Variants in TNPO3 observed in about 807,000 individuals in gnomAD.
The protein encoded by TNPO3 is transportin 3.
Under a neutral mutation model 122.8 loss-of-function variants are expected in TNPO3, and 65 were observed. The ratio of observed to expected loss-of-function variants is 0.53; its 90% confidence interval spans 0.43 to 0.65. The LOEUF (loss-of-function observed/expected upper bound fraction) is 0.65. Among genes scored for constraint, TNPO3 ranks in the 30% least tolerant of loss-of-function variants. The pLI, the probability that TNPO3 is intolerant of heterozygous loss-of-function variation, is 0.00. For missense variants in TNPO3, 850 were observed against 1,136.7 expected, an observed-to-expected ratio of 0.75 and a Z score of 3.63; for synonymous variants, 372 against 411.2, an observed-to-expected ratio of 0.90 and a Z score of 1.15.
intron 1 of TNPO3, among the ~76,000 whole-genome samples, chr7:129,023,240 T>C (rs906608886): frequency 2.6e-5 from 4 of 152,154 alleles, no homozygotes; most frequent in Non-Finnish European, 5.9e-5. Flanking sequence ...AAAAACTTTA[T>C]AGTGCTGTAG....
chr7:129,001,216 A>C lies in TNPO3; in HGVS notation c.715T>G (p.Ser239Ala). 1 of 1,612,234 alleles carries C rather than the reference A, an allele frequency of 6.2e-7. No homozygotes were observed. Among genetic ancestry groups the C allele is most frequent in the Non-Finnish European group, 8.5e-7 (1 of 1,178,506 alleles). The change falls in exon 6 of 23, where the codon TCT becomes GCT. Residue 239 changes from serine to alanine, a missense_variant. By Grantham distance (99) the Ser-to-Ala change is moderately conservative (BLOSUM62 1). Transcript: ENST00000265388. Reference protein sequence around the residue: ...FEVLQQDKTSSNLHEAASDCV... With the variant: ...FEVLQQDKTSANLHEAASDCV... ...TCCGAAGCAGCTTCATGTAGGTTAG[A>C]CGAGGTCTTATCCTGTTGCTGGGGA...
chr7:128,995,345 T>C (rs1427896791), intron 8 of TNPO3, among the ~76,000 whole-genome samples: 1 of 152,190 alleles, frequency 6.6e-6, no homozygotes, highest in Non-Finnish European at 1.5e-5. Flanking sequence ...AATTATAAGA[T>C]GGTTAAAGGC....
At chr7:129,028,192 T>C (rs913377566) in intron 1 of TNPO3, among the ~76,000 whole-genome samples, 1 of 152,212 alleles carries the variant, frequency 6.6e-6, no homozygotes. Context: ...CACTAAGTTA[T>C]ACACTTGTAT....
At chr7:128,987,074 T>C (rs1462188451) in intron 11 of TNPO3, among the ~76,000 whole-genome samples, 154 bp from the exon 12 acceptor site, 1 of 152,130 alleles carries the variant, frequency 6.6e-6, no homozygotes, top group Admixed American at 6.6e-5. Flanking sequence ...ATAAAACACA[T>C]AAAAATAGAG....
At chr7:128,973,735 CAAAAAAAAAAAAAAAAA>C (rs71162544) in intron 18 of TNPO3, among the ~76,000 whole-genome samples, 3 of 5,274 alleles carry the variant, frequency 5.7e-4, no homozygotes, top group East Asian at 7.5e-3. Context: ...GACTCCGTCT[CAAAAAAAAAAAAAAAAA>C]AAAAAAAAAA....
chr7:128,990,528 G>A (rs2150349752), intron 10 of TNPO3, among the ~76,000 whole-genome samples: 1 of 152,300 alleles, frequency 6.6e-6, no homozygotes, highest in Admixed American at 6.5e-5. Context: ...ACAGATGAAT[G>A]AATAATTCTC....
intron 4 of TNPO3, among the ~76,000 whole-genome samples, chr7:129,013,768 A>G (rs181311081): frequency 6.6e-6 from 1 of 152,358 alleles, no homozygotes; most frequent in Non-Finnish European, 1.5e-5. Context: ...TAGGTGCACA[A>G]TGAAATATTC....
At chr7:128,962,027 T>C (rs1797504457) in intron 21 of TNPO3, among the ~76,000 whole-genome samples, 1 of 152,176 alleles carries the variant, frequency 6.6e-6, no homozygotes. Context: ...GAATGTTATT[T>C]TAGACTGAAA....
intron 4 of TNPO3, among the ~76,000 whole-genome samples, chr7:129,008,933 A>C (rs983893766): frequency 1.3e-5 from 2 of 152,222 alleles, no homozygotes; most frequent in African/African-American, 4.8e-5. Flanking sequence ...TCTGAAAAAA[A>C]CCTGTTTCTA....
intron 16 of TNPO3, among the ~76,000 whole-genome samples, chr7:128,977,638 C>G (rs1455696764): frequency 6.7e-6 from 1 of 149,878 alleles, no homozygotes; most frequent in African/African-American, 2.5e-5. Flanking sequence ...ACTCTGTCAC[C>G]CAGGCTGGAG....
chr7:129,044,506 C>A (rs1406572895), intron 1 of TNPO3, among the ~76,000 whole-genome samples: 3 of 152,220 alleles, frequency 2.0e-5, no homozygotes, highest in Non-Finnish European at 2.9e-5. Context: ...TTTGGATACT[C>A]TACCAGAAGA....
At chr7:129,046,195 C>CAAAA (rs5887409) in intron 1 of TNPO3, among the ~76,000 whole-genome samples, 118 of 79,164 alleles carry the variant, frequency 1.5e-3, no homozygotes, top group African/African-American at 2.6e-3. Flanking sequence ...GACTCCGTCT[C>CAAAA]AAAAAAAAAA....
chr7:129,020,568 T>C (rs1429292434), intron 1 of TNPO3, among the ~76,000 whole-genome samples: 1 of 152,068 alleles, frequency 6.6e-6, no homozygotes, highest in Non-Finnish European at 1.5e-5. Flanking sequence ...AGCCCCCTAG[T>C]AGTTGGAACT....
intron 1 of TNPO3, chr7:129,030,378 T>C: frequency 5.4e-6 from 1 of 186,010 alleles, no homozygotes; most frequent in South Asian, 1.0e-4. Context: ...ACATGTGATG[T>C]CAGGACCAGC....
chr7:129,018,690 C>G (rs1442092534), intron 1 of TNPO3, among the ~76,000 whole-genome samples: 1 of 152,166 alleles, frequency 6.6e-6, no homozygotes, highest in Non-Finnish European at 1.5e-5. Context: ...ACTATGTTGG[C>G]TCAAGTAAAT....
chr7:129,028,128 G>A (rs1227088061), intron 1 of TNPO3, among the ~76,000 whole-genome samples: 1 of 152,156 alleles, frequency 6.6e-6, no homozygotes, highest in Non-Finnish European at 1.5e-5. Flanking sequence ...TCAGACAAAT[G>A]AAGATGTTTC....
At chr7:128,962,513 C>T (rs1797566079) in intron 21 of TNPO3, among the ~76,000 whole-genome samples, 1 of 152,134 alleles carries the variant, frequency 6.6e-6, no homozygotes, top group Non-Finnish European at 1.5e-5. Context: ...GCAGGTGTTA[C>T]GGACCTTAAA....
At chr7:129,008,937 G>A (rs1802885446) in intron 4 of TNPO3, among the ~76,000 whole-genome samples, 1 of 152,154 alleles carries the variant, frequency 6.6e-6, no homozygotes. Context: ...AAAAAAACCT[G>A]TTTCTAAAAC....
chr7:129,015,995 C>G (rs1479730112), intron 3 of TNPO3, among the ~76,000 whole-genome samples: 1 of 151,914 alleles, frequency 6.6e-6, no homozygotes, highest in East Asian at 1.9e-4. Context: ...GGGAGGATCA[C>G]TTGAGCCCGG....
Sources: allele counts gnomAD v4.1 joint callset (sites outside exome capture counted in the v4.1 genomes callset), GRCh38; gene constraint gnomAD v4.1.1; transcripts MANE v1.5; gene names NCBI Gene and HGNC (gene_info 2026-07-23, HGNC 2026-07-21).